Variants in ABLIM3 observed in about 807,000 individuals in gnomAD.
The protein encoded by ABLIM3 is actin-binding LIM protein 3.
In ABLIM3, 61 loss-of-function variants were observed where a neutral mutation model predicts 109.5. The observed-to-expected ratio is 0.56, with a 90% CI of 0.45 to 0.69. The LOEUF (loss-of-function observed/expected upper bound fraction) is 0.69, where lower values mean the gene tolerates loss of function less well. ABLIM3 is among the 30% of genes least tolerant of loss of function. The pLI, the probability that ABLIM3 is intolerant of heterozygous loss-of-function variation, is 0.00. For synonymous variants in ABLIM3, 300 were observed against 324.8 expected (o/e 0.92, Z 0.82); for missense variants, 796 against 889.5 (o/e 0.89, Z 1.34).
intron 2 of ABLIM3, among the ~76,000 whole-genome samples, chr5:149,164,472 G>T (rs1260794411): frequency 6.6e-6 from 1 of 152,160 alleles, no homozygotes; most frequent in Non-Finnish European, 1.5e-5. Flanking sequence ...GTAGGTCAGT[G>T]GTTCTCAAAA....
intron 3 of ABLIM3, among the ~76,000 whole-genome samples, chr5:149,186,243 A>G (rs4705068): frequency 0.32 from 48,015 of 151,682 alleles, 7,823 homozygotes; most frequent in East Asian, 0.51. Flanking sequence ...GTGAAACCCC[A>G]CCTCTACTAA....
intron 8 of ABLIM3, among the ~76,000 whole-genome samples, chr5:149,227,906 C>G (rs1761479871): frequency 6.6e-6 from 1 of 152,196 alleles, no homozygotes; most frequent in South Asian, 2.1e-4. Flanking sequence ...GCAGATATAT[C>G]TGTAGGTATA....
At chr5:149,194,915 T>C (rs116537853) in intron 3 of ABLIM3, among the ~76,000 whole-genome samples, 1,827 of 152,304 alleles carry the variant, frequency 0.012, 44 homozygotes, top group African/African-American at 0.041. Flanking sequence ...AGTTATTTTA[T>C]TATTCTTCTT....
chr5:149,239,960 G>A, intron 13 of ABLIM3, 72 bp downstream of exon 13: 1 of 1,514,522 alleles, frequency 6.6e-7, no homozygotes, highest in Non-Finnish European at 8.8e-7. Flanking sequence ...GGTCCCTGCT[G>A]CAGAGGGCAC....
chr5:149,187,992 T>C (rs1757135882), intron 3 of ABLIM3, among the ~76,000 whole-genome samples: 1 of 152,222 alleles, frequency 6.6e-6, no homozygotes, highest in Non-Finnish European at 1.5e-5. Flanking sequence ...GGGCGCACCG[T>C]TCTATAGTAA....
chr5:149,150,938 A>C (rs909011099), intron 2 of ABLIM3, among the ~76,000 whole-genome samples: 1 of 152,256 alleles, frequency 6.6e-6, no homozygotes, highest in Non-Finnish European at 1.5e-5. Context: ...GAGAAGAGAT[A>C]TAAAGAATAA....
At chr5:149,202,513 G>A (rs982236350) in intron 5 of ABLIM3, among the ~76,000 whole-genome samples, 1 of 152,194 alleles carries the variant, frequency 6.6e-6, no homozygotes, top group African/African-American at 2.4e-5. Context: ...ACTAGATGGG[G>A]TGTTGGAAGG....
intron 2 of ABLIM3, among the ~76,000 whole-genome samples, chr5:149,176,357 C>T (rs886788773): frequency 2.0e-5 from 3 of 152,162 alleles, no homozygotes; most frequent in South Asian, 2.1e-4. Context: ...TTTTTTAAAA[C>T]AACTAGGTAA....
chr5:149,167,346 A>G (rs1581027417), intron 2 of ABLIM3, among the ~76,000 whole-genome samples: 1 of 152,290 alleles, frequency 6.6e-6, no homozygotes, highest in East Asian at 1.9e-4. Context: ...ATGATTTCTA[A>G]TATGATAAAT....
intron 9 of ABLIM3, 38 bp from the exon 10 acceptor site, chr5:149,233,191 G>A: frequency 6.2e-7 from 1 of 1,601,540 alleles, no homozygotes; most frequent in Non-Finnish European, 8.6e-7. Flanking sequence ...AGCTCAGGTT[G>A]CAGCTTCTCA....
At chr5:149,186,867 A>G (rs1370909302) in intron 3 of ABLIM3, among the ~76,000 whole-genome samples, 1 of 152,154 alleles carries the variant, frequency 6.6e-6, no homozygotes, top group African/African-American at 2.4e-5. Context: ...ACAACAGTGC[A>G]TTATAAGCAA....
At chr5:149,166,314 A>T (rs927527527) in intron 2 of ABLIM3, among the ~76,000 whole-genome samples, 1 of 152,204 alleles carries the variant, frequency 6.6e-6, no homozygotes, top group Non-Finnish European at 1.5e-5. Flanking sequence ...ACAGTCATGC[A>T]TCTGACTCTC....
At chr5:149,170,076 C>A (rs1755235644) in intron 2 of ABLIM3, among the ~76,000 whole-genome samples, 1 of 151,874 alleles carries the variant, frequency 6.6e-6, no homozygotes, top group Non-Finnish European at 1.5e-5. Context: ...ATTTCCTCAC[C>A]CAAGTATTAA....
chr5:149,228,384 G>A lies in ABLIM3; in HGVS notation c.758-2265G>A, dbSNP rs183049277. 4.6e-5 allele frequency among the ~76,000 whole-genome samples: 7 copies of A among 152,234 alleles called. No homozygotes were observed. The East Asian group carries it at 1.4e-3, about 29-fold the overall frequency. On this transcript the variant is annotated intron_variant, in intron 8 of 23. Coordinates refer to ENST00000309868, the MANE Select transcript of ABLIM3 (RefSeq NM_014945.5). The stretch of plus-strand genomic sequence containing the variant: ...CCTAGGATAGTCACCATCCTCTCAT[G>A]GGTGCATTATACCTAGTATCTTTTT...
At position 149,141,626 on chromosome 5, in the gene ABLIM3, G is replaced by T; in HGVS notation, c.-116G>T. On this transcript the variant is annotated 5_prime_UTR_variant, in exon 1 of 24. Transcript: ENST00000309868. ...AATCAGTCGCAGGGGCCGGGGCAGG[G>T]GCCTCTGGCTCCCGACACTGGCCGA... 6.0e-6 allele frequency: 1 copy of T among 166,336 alleles called. No individual in the cohort carries two copies. Among genetic ancestry groups the T allele is most frequent in the Admixed American group, 6.1e-5 (1 of 16,390 alleles). The allele number at this position is 166,336 out of a possible 1,614,324, so 10.3% of individuals were successfully genotyped here.
chr5:149,145,756 T>C lies in ABLIM3; in HGVS notation c.13+3648T>C, dbSNP rs115266553. Reference sequence around the variant, plus strand: ...CTCTGATTATTAGTGATGTTGAGCATTTTTATTTTTTCATATTTATTCGCC... The same window carrying C: ...CTCTGATTATTAGTGATGTTGAGCACTTTTATTTTTTCATATTTATTCGCC... On this transcript the variant is annotated intron_variant, in intron 2 of 23. Coordinates refer to ENST00000309868, the MANE Select transcript of ABLIM3 (RefSeq NM_014945.5). Among the ~76,000 whole-genome samples the C allele has an allele frequency of 2.1e-3, 324 of 152,018 alleles. 3 individuals are homozygous for C. The highest frequency in any genetic ancestry group is 3.5e-3 in the Admixed American group (53 of 15,196).
At chr5:149,166,840 T>C (rs1288098159) in intron 2 of ABLIM3, among the ~76,000 whole-genome samples, 1 of 152,212 alleles carries the variant, frequency 6.6e-6, no homozygotes, top group African/African-American at 2.4e-5. Flanking sequence ...AAAGCAATCA[T>C]AGATAATATG....
At chr5:149,239,983 T>A in intron 13 of ABLIM3, 95 bp downstream of exon 13, 1 of 1,459,482 alleles carries the variant, frequency 6.9e-7, no homozygotes, top group Non-Finnish European at 9.0e-7. Flanking sequence ...GGCTCCCCCA[T>A]GATCTCCATC....
intron 7 of ABLIM3, among the ~76,000 whole-genome samples, chr5:149,214,341 G>A (rs956239011): frequency 2.0e-5 from 3 of 152,198 alleles, no homozygotes; most frequent in Non-Finnish European, 2.9e-5. Flanking sequence ...GGCGTTCTTG[G>A]TGATGGGAAA....
Sources: allele counts gnomAD v4.1 joint callset (sites outside exome capture counted in the v4.1 genomes callset), GRCh38; gene constraint gnomAD v4.1.1; transcripts MANE v1.5; gene names NCBI Gene and HGNC (gene_info 2026-07-23, HGNC 2026-07-21).